Variants in AKAP7 observed in about 807,000 individuals in gnomAD.
The protein encoded by AKAP7 is A-kinase anchoring protein 7.
In AKAP7, 39 loss-of-function variants were observed where a neutral mutation model predicts 39.5. The observed-to-expected ratio is 0.99, with a 90% CI of 0.76 to 1.29. The LOEUF (loss-of-function observed/expected upper bound fraction) is 1.29. Ranked by LOEUF, AKAP7 falls within the 50% of genes most tolerant of loss-of-function variation. AKAP7 has a pLI of 0.00. For synonymous variants in AKAP7, 140 were observed against 139.1 expected (o/e 1.01, Z -0.05); for missense variants, 414 against 407.7 (o/e 1.02, Z -0.13).
chr6:131,256,592 G>T (rs1196252896), intron 7 of AKAP7, among the ~76,000 whole-genome samples: 1 of 152,066 alleles, frequency 6.6e-6, no homozygotes, highest in Non-Finnish European at 1.5e-5. Context: ...AGTGTGATGT[G>T]GTCTGTCCTG....
intron 6 of AKAP7, among the ~76,000 whole-genome samples, chr6:131,206,701 C>T (rs1190360554): frequency 1.3e-5 from 2 of 152,172 alleles, no homozygotes; most frequent in East Asian, 3.9e-4. Flanking sequence ...GCCCTGATGT[C>T]ATCTTTCTTC....
chr6:131,229,789 A>C (rs1260739905), intron 7 of AKAP7, among the ~76,000 whole-genome samples: 2 of 152,226 alleles, frequency 1.3e-5, no homozygotes, highest in Non-Finnish European at 2.9e-5. Flanking sequence ...TATTGCCTTC[A>C]AGATGCTGAA....
intron 2 of AKAP7, among the ~76,000 whole-genome samples, chr6:131,152,769 G>T (rs1802033837): frequency 1.3e-5 from 2 of 148,280 alleles, no homozygotes; most frequent in Non-Finnish European, 3.0e-5. Flanking sequence ...GGAGGTTGCA[G>T]TGAGCTGAGA....
intron 5 of AKAP7, among the ~76,000 whole-genome samples, chr6:131,188,023 G>C (rs1806036771): frequency 6.6e-6 from 1 of 152,136 alleles, no homozygotes; most frequent in Non-Finnish European, 1.5e-5. Context: ...GAGTTAGAAG[G>C]CTCAGTCTGG....
intron 7 of AKAP7, among the ~76,000 whole-genome samples, chr6:131,259,567 C>G (rs995182014): frequency 2.6e-5 from 4 of 152,066 alleles, no homozygotes; most frequent in Non-Finnish European, 5.9e-5. Flanking sequence ...TTTTGGTGGT[C>G]TTAGAAGCCA....
At chr6:131,193,382 T>G (rs1346688968) in intron 5 of AKAP7, among the ~76,000 whole-genome samples, 2 of 152,108 alleles carry the variant, frequency 1.3e-5, no homozygotes, top group South Asian at 2.1e-4. Context: ...CACATTGATT[T>G]ATTTGTATAT....
chr6:131,280,650 C>T (rs550531058), intron 7 of AKAP7, among the ~76,000 whole-genome samples: 2 of 152,266 alleles, frequency 1.3e-5, no homozygotes, highest in East Asian at 3.9e-4. Flanking sequence ...TCCTGGGTCC[C>T]CAGCTCGATG....
At chr6:131,242,045 C>T in intron 7 of AKAP7, 1 of 980,130 alleles carries the variant, frequency 1.0e-6, no homozygotes, top group African/African-American at 1.7e-5. Flanking sequence ...CCACAGGGAT[C>T]CTTTGATATT....
At chr6:131,269,180 A>C (rs1303506655) in intron 7 of AKAP7, among the ~76,000 whole-genome samples, 5 of 152,038 alleles carry the variant, frequency 3.3e-5, no homozygotes, top group Admixed American at 3.3e-4. Flanking sequence ...CTCCTGCTTC[A>C]GCCTCCCTAG....
intron 7 of AKAP7, among the ~76,000 whole-genome samples, chr6:131,249,609 A>G (rs1812285033): frequency 6.6e-6 from 1 of 152,176 alleles, no homozygotes; most frequent in South Asian, 2.1e-4. Context: ...TCATAAACTA[A>G]GGCTATTCCC....
chr6:131,174,486 A>T (rs1804384318), intron 5 of AKAP7, among the ~76,000 whole-genome samples: 1 of 152,252 alleles, frequency 6.6e-6, no homozygotes, highest in Non-Finnish European at 1.5e-5. Context: ...CCAGCCACTC[A>T]GCAGACTGAG....
intron 6 of AKAP7, among the ~76,000 whole-genome samples, chr6:131,218,242 A>G (rs1809369751): frequency 6.6e-6 from 1 of 152,212 alleles, no homozygotes; most frequent in African/African-American, 2.4e-5. Flanking sequence ...GTCCAACAGT[A>G]AATAATTGGA....
intron 5 of AKAP7, among the ~76,000 whole-genome samples, chr6:131,173,564 T>A (rs911467505): frequency 1.3e-5 from 2 of 152,192 alleles, no homozygotes; most frequent in African/African-American, 2.4e-5. Context: ...TAAGCAAGCA[T>A]GCAAACAAAT....
At chr6:131,234,750 T>G (rs1158488676) in intron 7 of AKAP7, among the ~76,000 whole-genome samples, 1 of 151,992 alleles carries the variant, frequency 6.6e-6, no homozygotes, top group East Asian at 1.9e-4. Flanking sequence ...TCAGTCTTTT[T>G]TTTTTAATGA....
intron 3 of AKAP7, among the ~76,000 whole-genome samples, chr6:131,163,731 G>A (rs1021359431): frequency 1.3e-5 from 2 of 152,146 alleles, no homozygotes; most frequent in Non-Finnish European, 2.9e-5. Context: ...GAAAATATGT[G>A]TTTCCATTAA....
At chr6:131,133,649 G>T (rs1470006035), upstream of AKAP7, among the ~76,000 whole-genome samples, 1 of 152,148 alleles carries the variant, frequency 6.6e-6, no homozygotes, top group African/African-American at 2.4e-5. Context: ...ACACCACAGG[G>T]GAAGAAAAAT....
chr6:131,226,339 CTAT>C (rs1427746982), intron 7 of AKAP7, among the ~76,000 whole-genome samples: 5 of 152,172 alleles, frequency 3.3e-5, no homozygotes, highest in Non-Finnish European at 7.3e-5. Context: ...GGCAACATTC[CTAT>C]TTTCAGATAT....
chr6:131,142,616 T>A (rs537987570), intron 1 of AKAP7, among the ~76,000 whole-genome samples: 2 of 152,124 alleles, frequency 1.3e-5, no homozygotes, highest in Non-Finnish European at 2.9e-5. Context: ...ACAGAGAAAC[T>A]CTCCTAGGGC....
Position 131,199,507 on chromosome 6 carries a change from G to C in AKAP7, c.636G>C (p.Glu212Asp), listed in dbSNP as rs775226831. The change falls in exon 6 of 8, where the codon GAG (glutamate) becomes GAC (aspartate). Residue 212 changes from glutamate to aspartate, a missense_variant. By Grantham distance (45) the Glu-to-Asp change is conservative. Transcript: ENST00000431975. The stretch of plus-strand genomic sequence containing the variant: ...AAGAAAAAGGCATCCTGGTAGGAGA[G>C]AGCAGAAGTTTTAAACCTCATTTGA... ...TFQEKGILVGESRSFKPHLTF... is the reference protein window; with the variant it reads ...TFQEKGILVGDSRSFKPHLTF... The C allele has an allele frequency of 1.1e-5, 18 of 1,611,662 alleles. No homozygotes were observed. The highest frequency in any genetic ancestry group is 8.4e-5 in the Admixed American group (5 of 59,854).
Sources: gnomAD v4.1 joint callset for allele counts (sites outside exome capture counted in the v4.1 genomes callset) on GRCh38, gnomAD v4.1.1 for gene constraint, MANE v1.5 for transcripts, NCBI Gene and HGNC (gene_info 2026-07-23, HGNC 2026-07-21) for gene names.